Variants in ITIH5 observed in about 807,000 individuals in gnomAD.
ITIH5 encodes inter-alpha-trypsin inhibitor heavy chain H5.
A neutral mutation model predicts 77.5 loss-of-function variants in ITIH5; 65 were observed. The ratio of observed to expected loss-of-function variants is 0.84; its 90% CI spans 0.69 to 1.03. The LOEUF (loss-of-function observed/expected upper bound fraction) is 1.03. Ranked by LOEUF, ITIH5 falls within the 50% of genes least tolerant of loss-of-function variation. The pLI, the probability that ITIH5 is intolerant of heterozygous loss-of-function variation, is 0.00. For missense variants in ITIH5, 1,208 were observed against 1,213.1 expected, an observed-to-expected ratio of 1.00 and a Z score of 0.06; for synonymous variants, 525 against 494.3, an observed-to-expected ratio of 1.06 and a Z score of -0.82.
chr10:7,585,517 CT>C (rs1458237187), intron 8 of ITIH5, among the ~76,000 whole-genome samples: 4 of 152,320 alleles, frequency 2.6e-5, no homozygotes, highest in African/African-American at 9.6e-5. Context: ...CCACCTGCCC[CT>C]GCCCAAGGTG....
At chr10:7,651,988 A>T (rs1834108582) in intron 2 of ITIH5, among the ~76,000 whole-genome samples, 1 of 152,168 alleles carries the variant, frequency 6.6e-6, no homozygotes, top group African/African-American at 2.4e-5. Context: ...CCCTGAGCAC[A>T]AACTGTAGAA....
intron 9 of ITIH5, among the ~76,000 whole-genome samples, chr10:7,579,085 T>A (rs7894539): frequency 1.3e-5 from 2 of 152,370 alleles, no homozygotes; most frequent in Non-Finnish European, 2.9e-5. Flanking sequence ...CAATGAACTA[T>A]GAGAGCTCAT....
At chr10:7,601,815 A>C (rs1474942190) in intron 7 of ITIH5, among the ~76,000 whole-genome samples, 12 of 151,956 alleles carry the variant, frequency 7.9e-5, no homozygotes, top group Non-Finnish European at 1.5e-4. Context: ...CATATCACCC[A>C]CTTTTCCTCC....
intron 7 of ITIH5, among the ~76,000 whole-genome samples, chr10:7,589,743 C>T (rs547627420): frequency 1.3e-5 from 2 of 152,082 alleles, no homozygotes; most frequent in African/African-American, 4.8e-5. Context: ...GCTCCCACCC[C>T]CAGGAAATAC....
chr10:7,597,539 G>A (rs1438380772), intron 7 of ITIH5, among the ~76,000 whole-genome samples: 1 of 141,014 alleles, frequency 7.1e-6, no homozygotes, highest in East Asian at 2.2e-4. Flanking sequence ...ACACAGCATG[G>A]TCCCAAGTCA....
At chr10:7,663,740 G>C (rs1324584561) in intron 1 of ITIH5, among the ~76,000 whole-genome samples, 1 of 152,188 alleles carries the variant, frequency 6.6e-6, no homozygotes, top group Non-Finnish European at 1.5e-5. Flanking sequence ...CTGAGACCCA[G>C]AGAGGTTAAG....
chr10:7,613,569 A>G (rs1833300540), intron 7 of ITIH5, among the ~76,000 whole-genome samples: 1 of 152,252 alleles, frequency 6.6e-6, no homozygotes, highest in South Asian at 2.1e-4. Context: ...GATTTGAAAA[A>G]GAACTTAAAT....
At chr10:7,594,627 G>T (rs1316369441) in intron 7 of ITIH5, among the ~76,000 whole-genome samples, 1 of 152,140 alleles carries the variant, frequency 6.6e-6, no homozygotes, top group Non-Finnish European at 1.5e-5. Context: ...GGGATTAAGT[G>T]TCTGATTTTA....
At chr10:7,578,818 C>T (rs7905962) in intron 9 of ITIH5, 78,554 of 151,658 alleles carry the variant, frequency 0.52, 20,637 homozygotes, top group East Asian at 0.77. Context: ...CAGACTGATG[C>T]GTGGCAACAT....
At position 7,640,813 on chromosome 10, in the gene ITIH5, T is replaced by G. The variant is rs763439282; in HGVS notation, c.342A>C (p.Arg114Ser). The G allele has an allele frequency of 6.2e-7, 1 of 1,613,474 alleles. No homozygotes were observed. The highest frequency in any genetic ancestry group is 1.3e-5 in the African/African-American group (1 of 75,032). Residue 114 changes from arginine to serine, a missense_variant, in exon 4 of 14, where the codon AGA (arginine) becomes AGC (serine). By Grantham distance (110) the Arg-to-Ser change is moderately radical. Coordinates refer to ENST00000397146, the MANE Select transcript of ITIH5 (RefSeq NM_030569.7). ...TTACCCTATCACCACTCTTCTTTTC[T>G]CTCTCTGTAATTTCGCCCTGATACA... ...DKVYQGEITE[R>S]EKKSGDRVKE...
chr10:7,616,258 C>T (rs1299903811), intron 6 of ITIH5, among the ~76,000 whole-genome samples, 160 bp from the exon 7 acceptor site: 3 of 152,166 alleles, frequency 2.0e-5, no homozygotes, highest in African/African-American at 7.2e-5. Context: ...CCTGATCCCT[C>T]CAAGAGAACT....
In ITIH5 at chr10:7,628,890, C is replaced by T. The variant is rs534573190; in HGVS notation, c.652+8338G>A. 5.0e-3 allele frequency among the ~76,000 whole-genome samples: 662 copies of T among 132,144 alleles called. 36 individuals carry two copies. The highest frequency in any genetic ancestry group is 0.017 in the African/African-American group (619 of 35,938). 86.7% of individuals were successfully genotyped at this position (132,144 alleles called of 152,430 possible). ...GTGTGTCCGTGTTGTAGCGTGTGTC[C>T]GTGTTGTGGCATGCATCCATGTTAT... On this transcript the variant is annotated intron_variant, in intron 5 of 13. Coordinates refer to ENST00000397146, the MANE Select transcript of ITIH5 (RefSeq NM_030569.7).
intron 7 of ITIH5, among the ~76,000 whole-genome samples, chr10:7,592,020 G>A (rs1238795587): frequency 2.6e-5 from 4 of 152,046 alleles, no homozygotes; most frequent in Non-Finnish European, 5.9e-5. Flanking sequence ...ACAGGTGCAC[G>A]TCACCATGCC....
chr10:7,616,689 G>A (rs532435838), intron 6 of ITIH5, among the ~76,000 whole-genome samples: 7 of 152,200 alleles, frequency 4.6e-5, no homozygotes, highest in Non-Finnish European at 7.4e-5. Flanking sequence ...TTAGTGGGGC[G>A]TGGTGGTGGG....
chr10:7,569,576 C>T, intron 12 of ITIH5, 92 bp downstream of exon 12: 1 of 778,540 alleles, frequency 1.3e-6, no homozygotes, highest in Non-Finnish European at 2.1e-6. Context: ...TAAGGTGGCC[C>T]TTGGATCACT....
intron 7 of ITIH5, among the ~76,000 whole-genome samples, chr10:7,599,845 G>T (rs1832980450): frequency 6.6e-6 from 1 of 152,188 alleles, no homozygotes; most frequent in Non-Finnish European, 1.5e-5. Flanking sequence ...CCTCCACCAG[G>T]CAGGGAGAGT....
At position 7,563,782 on chromosome 10, in the gene ITIH5, G is replaced by C. The variant is rs116953364; in HGVS notation, c.2528-398C>G. On this transcript the variant is annotated intron_variant, in intron 13 of 13. Transcript: ENST00000397146. Reference sequence around the variant, plus strand: ...TATCCGTCTCAGGTCTGTGCCGGGTGGGGGTGGAAAGCAGTCAGCTCAGAT... The same window carrying C: ...TATCCGTCTCAGGTCTGTGCCGGGTCGGGGTGGAAAGCAGTCAGCTCAGAT... 9.9e-3 allele frequency among the ~76,000 whole-genome samples: 1,504 copies of C among 152,332 alleles called. 9 individuals carry two copies. Among genetic ancestry groups the C allele is most frequent in the Middle Eastern group, 0.02 (6 of 294 alleles).
chr10:7,572,274 C>G, intron 11 of ITIH5: 1 of 1,357,386 alleles, frequency 7.4e-7, no homozygotes, highest in South Asian at 1.2e-5. Context: ...GATCTGGACA[C>G]AGCAGAACAA....
intron 4 of ITIH5, among the ~76,000 whole-genome samples, chr10:7,640,371 G>A (rs1833864907): frequency 6.6e-6 from 1 of 151,762 alleles, no homozygotes; most frequent in African/African-American, 2.4e-5. Context: ...CAGCTACTTG[G>A]GAGGCTGAGG....
Sources: allele counts gnomAD v4.1 joint callset (sites outside exome capture counted in the v4.1 genomes callset), GRCh38; gene constraint gnomAD v4.1.1; transcripts MANE v1.5; gene names NCBI Gene and HGNC (gene_info 2026-07-23, HGNC 2026-07-21).